Variants in VPS13A observed in about 807,000 individuals in gnomAD.
VPS13A encodes the protein vacuolar protein sorting 13 homolog A, also known as intermembrane lipid transfer protein VPS13A.
VPS13A carries 264 observed loss-of-function variants against 390.9 expected under a neutral mutation model. The ratio of observed to expected loss-of-function variants is 0.68; its 90% CI spans 0.61 to 0.75. The LOEUF is 0.75. Among genes scored for constraint, VPS13A ranks in the 30% least tolerant of loss-of-function variants. The pLI, the probability that VPS13A is intolerant of heterozygous loss-of-function variation, is 0.00. For synonymous variants in VPS13A, 1,231 were observed against 1,227.1 expected (o/e 1.00, Z -0.07); for missense variants, 3,409 against 3,733.9 (o/e 0.91, Z 2.27).
At chr9:77,218,889 A>G (rs1237635210) in intron 10 of VPS13A, among the ~76,000 whole-genome samples, 4 of 152,178 alleles carry the variant, frequency 2.6e-5, no homozygotes, top group South Asian at 2.1e-4. Context: ...TTATGACACT[A>G]AAGTGAGACC....
rs537317721 is a variant in VPS13A at position 77,252,534 on chromosome 9, C to T, written c.2288+182C>T. ...TTTGATAATTTTTAAGAGTATAGTTCATTGTCATTAGGTTCACGCATGTTG... is the reference window on the plus strand; with the variant it reads ...TTTGATAATTTTTAAGAGTATAGTTTATTGTCATTAGGTTCACGCATGTTG... On this transcript the variant is annotated intron_variant, in intron 22 of 71. Coordinates refer to ENST00000360280, the MANE Select transcript of VPS13A (RefSeq NM_033305.3). 1.2e-4 allele frequency among the ~76,000 whole-genome samples: 18 copies of T among 152,156 alleles called. 2 individuals are homozygous for T. In the South Asian group the frequency reaches 3.7e-3, roughly 32 times the overall value.
At chr9:77,184,158 A>C (rs1038318246) in intron 1 of VPS13A, among the ~76,000 whole-genome samples, 6 of 152,202 alleles carry the variant, frequency 3.9e-5, no homozygotes, top group African/African-American at 1.4e-4. Context: ...ATGTAACTCA[A>C]ACCCAGTCAA....
rs1170405267 is a variant in VPS13A at position 77,214,259 on chromosome 9, G to A, written c.697-70G>A. The A allele has an allele frequency of 8.1e-6, 11 of 1,364,564 alleles. 1 individual carries two copies. The highest frequency in any genetic ancestry group is 1.1e-5 in the Non-Finnish European group (11 of 957,314). 84.5% of individuals were successfully genotyped at this position (1,364,564 alleles called of 1,614,324 possible). A position where few individuals can be genotyped will look rare whatever the true frequency, so the allele number is the denominator to read the frequency against. ...CCACTGCCCTCCAGCCTGGGTGACA[G>A]GGGGAGACTCCATCTCAAAAAAAGA... On this transcript the variant is annotated intron_variant, in intron 9 of 71. Transcript: ENST00000360280.
intron 46 of VPS13A, among the ~76,000 whole-genome samples, chr9:77,336,325 A>C (rs1429773222): frequency 5.9e-5 from 9 of 152,166 alleles, no homozygotes; most frequent in Admixed American, 5.9e-4. Flanking sequence ...CACTTTCTGC[A>C]TATGTATCCC....
At chr9:77,388,030 A>C (rs1319370462) in intron 68 of VPS13A, among the ~76,000 whole-genome samples, 1 of 152,096 alleles carries the variant, frequency 6.6e-6, no homozygotes, top group Non-Finnish European at 1.5e-5. Context: ...GTTACTGCGT[A>C]TTTTCTACTG....
Position 77,370,467 on chromosome 9 carries a change from A to C in VPS13A, c.8796A>C (p.Val2932=), listed in dbSNP as rs1483230548. 1 of 1,614,068 alleles carries C rather than the reference A, an allele frequency of 6.2e-7. No individual in the cohort carries two copies. Among genetic ancestry groups the C allele is most frequent in the Non-Finnish European group, 8.5e-7 (1 of 1,180,028 alleles). The change falls in exon 65 of 72, where the codon GTA becomes GTC. Residue 2932 remains valine (V), a synonymous_variant. Coordinates refer to ENST00000360280, the MANE Select transcript of VPS13A (RefSeq NM_033305.3). ...SKITGAMAKG[V]AAMTMDEDYQ... ...TCACCGGTGCTATGGCTAAGGGGGTAGCAGCTATGACCATGGATGAAGACT... is the reference window on the plus strand; with the variant it reads ...TCACCGGTGCTATGGCTAAGGGGGTCGCAGCTATGACCATGGATGAAGACT...
intron 33 of VPS13A, among the ~76,000 whole-genome samples, chr9:77,296,688 T>A (rs781230458): frequency 1.3e-5 from 2 of 152,196 alleles, no homozygotes; most frequent in Non-Finnish European, 2.9e-5. Flanking sequence ...TTATACCATT[T>A]TATAAGTTTT....
At chr9:77,261,959 T>C (rs1368766142) in intron 23 of VPS13A, among the ~76,000 whole-genome samples, 2 of 152,328 alleles carry the variant, frequency 1.3e-5, no homozygotes, top group East Asian at 1.9e-4. Flanking sequence ...TATTAGCAAA[T>C]GTTAAAATTT....
At chr9:77,295,517 A>G (rs776151278) in intron 32 of VPS13A, 25 bp from the exon 33 acceptor site, 45 of 1,562,956 alleles carry the variant, frequency 2.9e-5, no homozygotes, top group Non-Finnish European at 3.8e-5. Context: ...AATAACCTTA[A>G]GAATATAATT....
intron 71 of VPS13A, among the ~76,000 whole-genome samples, chr9:77,411,672 A>AAAAAAAAAAAAAAG (rs1834933816): frequency 6.8e-6 from 1 of 147,938 alleles, no homozygotes; most frequent in Non-Finnish European, 1.5e-5. Flanking sequence ...AAAAAAAAAA[A>AAAAAAAAAAAAAAG]AAAAAAAAAA....
chr9:77,408,428 G>A (rs1587731908), intron 71 of VPS13A, among the ~76,000 whole-genome samples: 1 of 152,378 alleles, frequency 6.6e-6, no homozygotes, highest in East Asian at 1.9e-4. Context: ...TCACTGGGGA[G>A]TGTCGGAAAG....
chr9:77,290,266 C>T (rs1294635149), intron 31 of VPS13A, among the ~76,000 whole-genome samples: 2 of 152,062 alleles, frequency 1.3e-5, no homozygotes, highest in Admixed American at 1.3e-4. Context: ...CTTTGTTACA[C>T]ATACTTTTGA....
intron 23 of VPS13A, among the ~76,000 whole-genome samples, chr9:77,263,461 A>G (rs566326951): frequency 6.6e-6 from 1 of 151,940 alleles, no homozygotes; most frequent in Non-Finnish European, 1.5e-5. Context: ...ATGGTATCTC[A>G]TTGTTGTTTT....
chr9:77,195,178 C>CA (rs1824913811), intron 1 of VPS13A, among the ~76,000 whole-genome samples: 3 of 152,110 alleles, frequency 2.0e-5, no homozygotes, highest in Admixed American at 2.0e-4. Context: ...GGCTGGAGTG[C>CA]AGTGGCGCAA....
intron 13 of VPS13A, among the ~76,000 whole-genome samples, chr9:77,223,913 G>A (rs546994554): frequency 1.3e-5 from 2 of 152,104 alleles, no homozygotes; most frequent in African/African-American, 4.8e-5. Flanking sequence ...TGGCCTCAAA[G>A]CTTCAAAGGA....
At chr9:77,199,394 C>A (rs889204330) in intron 1 of VPS13A, among the ~76,000 whole-genome samples, 12 of 152,064 alleles carry the variant, frequency 7.9e-5, no homozygotes, top group African/African-American at 2.7e-4. Context: ...CATGTAACAT[C>A]CTAATGTTAT....
chr9:77,261,214 T>G (rs948532662), intron 23 of VPS13A, among the ~76,000 whole-genome samples: 2 of 152,156 alleles, frequency 1.3e-5, no homozygotes, highest in Non-Finnish European at 2.9e-5. Flanking sequence ...TCTTTTATTT[T>G]TAAAATTAAA....
intron 26 of VPS13A, among the ~76,000 whole-genome samples, chr9:77,277,149 C>T (rs2131334970): frequency 6.6e-6 from 1 of 152,084 alleles, no homozygotes; most frequent in African/African-American, 2.4e-5. Flanking sequence ...TGGATTTTTC[C>T]TTGAAAGATA....
At chr9:77,388,416 G>A (rs144851873) in intron 68 of VPS13A, among the ~76,000 whole-genome samples, 16 of 152,154 alleles carry the variant, frequency 1.1e-4, no homozygotes, top group Admixed American at 3.3e-4. Flanking sequence ...TTTATTGTCC[G>A]GTTTGTTTTA....
Sources: gnomAD v4.1 joint callset for allele counts (sites outside exome capture counted in the v4.1 genomes callset) on GRCh38, gnomAD v4.1.1 for gene constraint, MANE v1.5 for transcripts, NCBI Gene and HGNC (gene_info 2026-07-23, HGNC 2026-07-21) for gene names.